PARD3: variants seen among roughly 807,000 people sequenced by gnomAD.
PARD3 encodes par-3 family cell polarity regulator.
In PARD3, 75 loss-of-function variants were observed where a neutral mutation model predicts 155.4. That is an observed-to-expected ratio of 0.48 (90% CI 0.40 to 0.58). PARD3 has a LOEUF of 0.58. Ranked by LOEUF, PARD3 falls within the 20% of genes least tolerant of loss-of-function variation. The pLI is 0.00. For missense variants in PARD3, 1,642 were observed against 1,721.7 expected, an observed-to-expected ratio of 0.95 and a Z score of 0.82; for synonymous variants, 576 against 610.5, an observed-to-expected ratio of 0.94 and a Z score of 0.83.
chr10:34,662,402 G>A (rs551528280), intron 2 of PARD3, among the ~76,000 whole-genome samples: 3 of 152,170 alleles, frequency 2.0e-5, no homozygotes, highest in African/African-American at 7.2e-5. Context: ...CACACTGCTG[G>A]GTATATAACC....
intron 2 of PARD3, among the ~76,000 whole-genome samples, chr10:34,623,178 G>A (rs950103473): frequency 1.3e-5 from 2 of 152,148 alleles, no homozygotes; most frequent in African/African-American, 4.8e-5. Context: ...AGTCGAAAGT[G>A]AAAAATGATA....
intron 14 of PARD3, among the ~76,000 whole-genome samples, chr10:34,353,099 C>T (rs1838340306): frequency 1.3e-5 from 2 of 152,036 alleles, no homozygotes; most frequent in African/African-American, 4.8e-5. Context: ...TGAGGAGCCC[C>T]TCCGCCCAGC....
intron 6 of PARD3, among the ~76,000 whole-genome samples, chr10:34,399,638 T>C (rs1458756563): frequency 6.6e-6 from 1 of 152,180 alleles, no homozygotes; most frequent in African/African-American, 2.4e-5. Flanking sequence ...ACTAGTCTGA[T>C]GGCATGGAGG....
intron 1 of PARD3, among the ~76,000 whole-genome samples, chr10:34,707,982 T>C (rs950760396): frequency 6.6e-6 from 1 of 152,246 alleles, no homozygotes; most frequent in Non-Finnish European, 1.5e-5. Context: ...TACTTATGAC[T>C]GGACAATGTT....
chr10:34,321,853 A>T (rs1958398850), intron 19 of PARD3, among the ~76,000 whole-genome samples: 1 of 152,200 alleles, frequency 6.6e-6, no homozygotes, highest in Admixed American at 6.5e-5. Context: ...TTTTCATTGA[A>T]GTGCAAAGTT....
chr10:34,632,417 G>A (rs1297700025), intron 2 of PARD3, among the ~76,000 whole-genome samples: 2 of 152,230 alleles, frequency 1.3e-5, no homozygotes, highest in Non-Finnish European at 2.9e-5. Context: ...CCAGGGGACA[G>A]TGGGGCATCA....
intron 1 of PARD3, among the ~76,000 whole-genome samples, chr10:34,736,656 T>TAATTAATG (rs1346767270): frequency 1.3e-5 from 1 of 74,644 alleles, no homozygotes. Context: ...ATTAATTAAT[T>TAATTAATG]TATTTATTTA....
intron 1 of PARD3, among the ~76,000 whole-genome samples, chr10:34,789,131 TA>T (rs1450704755): frequency 6.6e-6 from 1 of 152,174 alleles, no homozygotes; most frequent in Non-Finnish European, 1.5e-5. Flanking sequence ...ATACGACCTC[TA>T]AAAAGTATTA....
At chr10:34,668,152 T>C (rs1799747446) in intron 2 of PARD3, among the ~76,000 whole-genome samples, 1 of 152,228 alleles carries the variant, frequency 6.6e-6, no homozygotes, top group African/African-American at 2.4e-5. Flanking sequence ...ATTCCTCATC[T>C]GCAACAACTA....
intron 1 of PARD3, among the ~76,000 whole-genome samples, chr10:34,771,094 T>C (rs189114764): frequency 1.5e-3 from 229 of 152,310 alleles, no homozygotes; most frequent in Admixed American, 3.1e-3. Flanking sequence ...GTATTAAAAT[T>C]GGTCACTTGA....
intron 22 of PARD3, among the ~76,000 whole-genome samples, chr10:34,251,772 A>C (rs1182100657): frequency 1.3e-5 from 2 of 152,194 alleles, no homozygotes; most frequent in East Asian, 3.9e-4. Flanking sequence ...TTGCTGACAG[A>C]AACTCCAGGT....
intron 2 of PARD3, among the ~76,000 whole-genome samples, chr10:34,530,447 C>A (rs1029102700): frequency 7.9e-5 from 12 of 152,162 alleles, no homozygotes; most frequent in Non-Finnish European, 2.9e-5. Context: ...TGATCAGGCA[C>A]TGGTTCGGAA....
chr10:34,444,954 G>A (rs1029653141), intron 5 of PARD3, among the ~76,000 whole-genome samples: 7 of 152,080 alleles, frequency 4.6e-5, no homozygotes, highest in Non-Finnish European at 5.9e-5. Context: ...AAAACCACTG[G>A]AGGCACATAA....
intron 22 of PARD3, among the ~76,000 whole-genome samples, chr10:34,174,962 AT>A (rs926271081): frequency 1.3e-4 from 20 of 151,964 alleles, no homozygotes; most frequent in Non-Finnish European, 1.9e-4. Context: ...GATTCATTGT[AT>A]TTTTTTTCTT....
At chr10:34,247,613 T>G (rs1243308688) in intron 22 of PARD3, among the ~76,000 whole-genome samples, 5 of 151,834 alleles carry the variant, frequency 3.3e-5, no homozygotes, top group Non-Finnish European at 5.9e-5. Flanking sequence ...CTAAAGAACA[T>G]AAAGAAAAAC....
At chr10:34,561,625 T>TCTC (rs2085480109) in intron 2 of PARD3, among the ~76,000 whole-genome samples, 1 of 151,946 alleles carries the variant, frequency 6.6e-6, no homozygotes, top group Admixed American at 6.6e-5. Context: ...TTCAAGCAAT[T>TCTC]CTCCTGCCTT....
At chr10:34,751,653 G>C (rs1038875736) in intron 1 of PARD3, among the ~76,000 whole-genome samples, 2 of 152,132 alleles carry the variant, frequency 1.3e-5, no homozygotes, top group South Asian at 2.1e-4. Context: ...ACCCAGGCTA[G>C]AGTGTTGTGG....
intron 15 of PARD3, chr10:34,346,030 AC>A: frequency 1.0e-6 from 1 of 985,308 alleles, no homozygotes. Context: ...AATTTAGCCT[AC>A]CCTTAAATAG....
intron 2 of PARD3, among the ~76,000 whole-genome samples, chr10:34,636,055 AAAGGAAGGAAGAAGG>A (rs1383335574): frequency 1.8e-4 from 28 of 152,190 alleles, no homozygotes; most frequent in Admixed American, 9.2e-4. Flanking sequence ...AAGAAAGAAG[AAAGGAAGGAAGAAGG>A]AAGGAAGGAA....
Sources: gnomAD v4.1 joint callset for allele counts (sites outside exome capture counted in the v4.1 genomes callset) on GRCh38, gnomAD v4.1.1 for gene constraint, MANE v1.5 for transcripts, NCBI Gene and HGNC (gene_info 2026-07-23, HGNC 2026-07-21) for gene names.